SPG7: variants seen among roughly 807,000 people sequenced by gnomAD.
SPG7 encodes the protein mitochondrial inner membrane m-AAA protease component paraplegin.
Under a neutral mutation model 81.9 loss-of-function variants are expected in SPG7, and 103 were observed. That is an observed-to-expected ratio of 1.26 (90% CI 1.07 to 1.48). The LOEUF is 1.48. Among genes scored for constraint, SPG7 ranks in the 40% most tolerant of loss-of-function variants. The probability of loss-of-function intolerance (pLI) is 0.00; values close to 1 mark genes in which losing one functional copy is unlikely to be tolerated. For synonymous variants in SPG7, 534 were observed against 444.2 expected, an observed-to-expected ratio of 1.20 and a Z score of -2.54; for missense variants, 1,241 against 1,087.3, an observed-to-expected ratio of 1.14 and a Z score of -1.99.
intron 9 of SPG7, chr16:89,536,826 C>A (rs142422865): frequency 6.2e-7 from 1 of 1,614,106 alleles, no homozygotes. Flanking sequence ...GAAAGACCCC[C>A]GCCTGCTCCT....
intron 4 of SPG7, among the ~76,000 whole-genome samples, chr16:89,525,071 C>G (rs1258117377): frequency 2.0e-5 from 3 of 150,888 alleles, no homozygotes; most frequent in Non-Finnish European, 4.4e-5. Flanking sequence ...GTGATCTACC[C>G]ACCTCAGCCT....
At chr16:89,527,217 A>G (rs571029599) in intron 5 of SPG7, 78 of 152,866 alleles carry the variant, frequency 5.1e-4, no homozygotes, top group Non-Finnish European at 1.0e-3. Flanking sequence ...TTAAACCTGC[A>G]GAGATGAAAC....
chr16:89,546,579 C>T lies in SPG7; in HGVS notation c.1450-79C>T, dbSNP rs552772280. 6 of 948,728 alleles carry T rather than the reference C, an allele frequency of 6.3e-6. No individual in the cohort carries two copies. In the South Asian group the frequency reaches 7.7e-5, roughly 12 times the overall value. 58.8% of individuals were successfully genotyped at this position (948,728 alleles called of 1,614,324 possible). A position where few individuals can be genotyped will look rare whatever the true frequency, so the allele number is the denominator to read the frequency against. Reference sequence around the variant, plus strand: ...ATCCCAGCTACTTGGGGACCCCCCCCCCCCACAGACAAACATGCCGCACCT... The same window carrying T: ...ATCCCAGCTACTTGGGGACCCCCCCTCCCCACAGACAAACATGCCGCACCT... On this transcript the variant is annotated intron_variant, in intron 10 of 16. Coordinates refer to ENST00000645818, the MANE Select transcript of SPG7 (RefSeq NM_003119.4).
rs139103036 is a variant in SPG7 at position 89,532,531 on chromosome 16, A to G, written c.1219A>G (p.Ile407Val). The part of the protein sequence containing the change: ...ARARAPCIVY[I>V]DEIDAVGKKR... The stretch of plus-strand genomic sequence containing the variant: ...AGCCCGGGCCCCCTGCATCGTCTAC[A>G]TCGATGAGATCGACGCGGTGGGCAA... Residue 407 changes from isoleucine (I) to valine (V), a missense_variant, in exon 9 of 17, where the codon ATC becomes GTC. Ile to Val is a conservative substitution (Grantham distance 29). Coordinates refer to ENST00000645818, the MANE Select transcript of SPG7 (RefSeq NM_003119.4). 3.8e-5 allele frequency: 61 copies of G among 1,613,596 alleles called. No individual in the cohort carries two copies. Among genetic ancestry groups the G allele is most frequent in the Non-Finnish European group, 4.9e-5 (58 of 1,180,042 alleles).
intron 9 of SPG7, chr16:89,537,128 G>C (rs182441221): frequency 1.4e-6 from 2 of 1,473,766 alleles, no homozygotes; most frequent in African/African-American, 1.4e-5. Context: ...CAGCCCTGCC[G>C]AGGTCCCAGG....
At chr16:89,538,541 G>A (rs746229816) in intron 9 of SPG7, 3 of 152,530 alleles carry the variant, frequency 2.0e-5, no homozygotes, top group East Asian at 1.9e-4. Context: ...CCGGCAGTAT[G>A]GCTTATTCCC....
intron 2 of SPG7, among the ~76,000 whole-genome samples, chr16:89,511,895 T>G (rs952196197): frequency 9.5e-5 from 12 of 126,244 alleles, no homozygotes; most frequent in Admixed American, 8.4e-5. Context: ...CATTTTTGTG[T>G]TGTTGTTGTT....
At chr16:89,524,743 C>T (rs1475884431) in intron 4 of SPG7, among the ~76,000 whole-genome samples, 1 of 152,080 alleles carries the variant, frequency 6.6e-6, no homozygotes, top group South Asian at 2.1e-4. Context: ...TCGTGCCCAG[C>T]CAGATCTGGT....
intron 5 of SPG7, among the ~76,000 whole-genome samples, chr16:89,528,220 C>A (rs2058290855): frequency 6.6e-6 from 1 of 151,752 alleles, no homozygotes; most frequent in Non-Finnish European, 1.5e-5. Context: ...GAAACCCCGT[C>A]TCTACTAAAA....
intron 15 of SPG7, 40 bp downstream of exon 15, chr16:89,554,000 C>T: frequency 1.2e-6 from 2 of 1,603,168 alleles, no homozygotes; most frequent in Non-Finnish European, 1.7e-6. Flanking sequence ...TCTGTGCTCC[C>T]CGGGGAGGGA....
chr16:89,544,569 C>T (rs1038027135), intron 9 of SPG7, 79 bp from the exon 10 acceptor site: 24 of 1,558,572 alleles, frequency 1.5e-5, no homozygotes, highest in Non-Finnish European at 2.1e-5. Context: ...CCTCCTGTGT[C>T]CTGAAGGGGA....
At chr16:89,515,675 G>A (rs1343788096) in intron 3 of SPG7, among the ~76,000 whole-genome samples, 1 of 150,150 alleles carries the variant, frequency 6.7e-6, no homozygotes, top group Non-Finnish European at 1.5e-5. Flanking sequence ...AGGAGTTTAA[G>A]ACCCTCATTT....
At chr16:89,548,308 C>T (rs2058591584) in intron 12 of SPG7, 195 bp downstream of exon 12, 4 of 570,526 alleles carry the variant, frequency 7.0e-6, no homozygotes, top group East Asian at 5.9e-5. Context: ...ACAGATTTAC[C>T]TAAGAGTAGA....
intron 11 of SPG7, chr16:89,547,348 T>C: frequency 1.1e-5 from 2 of 180,344 alleles, no homozygotes; most frequent in Non-Finnish European, 2.4e-5. Flanking sequence ...AGCCACAAGA[T>C]GGGGTGTGGA....
chr16:89,531,436 C>A (rs35696391), intron 7 of SPG7: 24,722 of 190,964 alleles, frequency 0.13, 2,032 homozygotes, highest in Middle Eastern at 0.2. Flanking sequence ...TGCAGTGGCA[C>A]AATCTCGGCT....
rs575421836 is a variant in SPG7, at chr16:89,526,373, G to A, written c.663G>A (p.Lys221=). ...GAATGCAGGTTGCAAATATTGACAAGTTTGAAGAGAAGCTTCGAGCAGCTG... is the reference window on the plus strand; with the variant it reads ...GAATGCAGGTTGCAAATATTGACAAATTTGAAGAGAAGCTTCGAGCAGCTG... ...MYRMQVANID[K]FEEKLRAAED... is the part of the protein sequence containing the mutation. The change falls in exon 5 of 17, where the codon AAG becomes AAA. Residue 221 remains lysine, a synonymous_variant. Coordinates refer to ENST00000645818, the MANE Select transcript of SPG7 (RefSeq NM_003119.4). 8.1e-6 allele frequency: 13 copies of A among 1,614,192 alleles called. No homozygotes were observed. The South Asian group carries it at 9.9e-5, about 12-fold the overall frequency.
intron 4 of SPG7, among the ~76,000 whole-genome samples, chr16:89,524,775 G>A (rs1045023835): frequency 1.3e-5 from 2 of 152,016 alleles, no homozygotes; most frequent in African/African-American, 2.4e-5. Context: ...CCAAGAGTGC[G>A]TCAGAACATG....
chr16:89,514,935 C>CT lies in SPG7; in HGVS notation c.376+1917dup, dbSNP rs56327708. On this transcript the variant is annotated intron_variant, in intron 3 of 16. Transcript: ENST00000645818. ...GTGAACCACCGTGCCTGGCCTTGAC[C>CT]TTTTTTTTTTTTTTTTTTTGAGACG... Among the ~76,000 whole-genome samples the CT allele has an allele frequency of 2.9e-3, 360 of 122,524 alleles. 2 individuals carry two copies. The highest frequency in any genetic ancestry group is 5.0e-3 in the Middle Eastern group (1 of 202). The allele number at this position is 122,524 out of a possible 152,430, so 80.4% of individuals were successfully genotyped here.
intron 12 of SPG7, chr16:89,549,084 T>TGGGG: frequency 2.2e-6 from 1 of 456,354 alleles, no homozygotes; most frequent in Non-Finnish European, 4.4e-6. Context: ...CCGACAGCCC[T>TGGGG]GCGGGTCGAG....
Sources: gnomAD v4.1 joint callset for allele counts (sites outside exome capture counted in the v4.1 genomes callset) on GRCh38, gnomAD v4.1.1 for gene constraint, MANE v1.5 for transcripts, NCBI Gene and HGNC (gene_info 2026-07-23, HGNC 2026-07-21) for gene names.